Variants in RANGAP1 observed in about 807,000 individuals in gnomAD.
RANGAP1 encodes ran GTPase-activating protein 1.
In RANGAP1, 38 loss-of-function variants were observed where a neutral mutation model predicts 63.5. The observed-to-expected ratio is 0.60, with a 90% CI of 0.46 to 0.78. The LOEUF is 0.78. RANGAP1 is among the 30% of genes least tolerant of loss of function. The pLI, the probability that RANGAP1 is intolerant of heterozygous loss-of-function variation, is 0.00. For missense variants in RANGAP1, 630 were observed against 740.3 expected (o/e 0.85, Z 1.73); for synonymous variants, 329 against 310.5 (o/e 1.06, Z -0.63).
rs557261957 is a variant in RANGAP1, at chr22:41,279,074, C to T, written c.112+1859G>A. 1.4e-4 allele frequency among the ~76,000 whole-genome samples: 22 copies of T among 152,298 alleles called. No individual in the cohort carries two copies. The South Asian group carries it at 3.3e-3, about 23-fold the overall frequency. On this transcript the variant is annotated intron_variant, in intron 2 of 15. Coordinates refer to ENST00000356244, the MANE Select transcript of RANGAP1 (RefSeq NM_002883.4). ...GGGAGAATGACATGAACCCAGGAGG[C>T]GGAGCCTGCAGTGAGCCAACATCAT...
chr22:41,284,784 T>A (rs1172854310), intron 1 of RANGAP1: 1 of 152,140 alleles, frequency 6.6e-6, no homozygotes, highest in African/African-American at 2.4e-5. Context: ...GGTGGGAGGA[T>A]CACTTGAGCC....
chr22:41,256,048 T>C lies in RANGAP1; in HGVS notation c.1046A>G (p.Asn349Ser), dbSNP rs545171449. The change falls in exon 10 of 16, where the codon AAC (asparagine) becomes AGC (serine). Residue 349 changes from asparagine to serine, a missense_variant. This residue lies in a region of RANGAP1 where 428 missense variants were observed against 465.5 expected (regional missense o/e 0.92). Transcript: ENST00000356244. The stretch of plus-strand genomic sequence containing the variant: ...GAGGGACGCCAGCACCTTGGCCATG[T>C]TGAAGCCCTCCAGCACCTCCTGAAG... ...EQLQEVLEGFNMAKVLASLSD... is the reference protein window; with the variant it reads ...EQLQEVLEGFSMAKVLASLSD... 1.7e-5 allele frequency: 27 copies of C among 1,613,954 alleles called. No homozygotes were observed. The African/African-American group carries it at 2.3e-4, about 14-fold the overall frequency.
At chr22:41,254,836 G>A (rs2033716658) in intron 10 of RANGAP1, among the ~76,000 whole-genome samples, 1 of 152,120 alleles carries the variant, frequency 6.6e-6, no homozygotes, top group Non-Finnish European at 1.5e-5. Context: ...GCCGGGTGTG[G>A]TGGCGGGCGC....
At chr22:41,249,855 T>C (rs746643519) in intron 13 of RANGAP1, 38 bp from the exon 14 acceptor site, 3 of 1,581,736 alleles carry the variant, frequency 1.9e-6, no homozygotes, top group Admixed American at 1.7e-5. Context: ...CTGCTGGCTA[T>C]GGCAGAGGGC....
At chr22:41,291,761 C>T in the RANGAP1 span, among the ~76,000 whole-genome samples, 4 of 150,982 alleles carry the variant, frequency 2.6e-5, no homozygotes, top group Non-Finnish European at 4.4e-5. Context: ...ATTAGCCGGG[C>T]GTGATGGCGG....
At chr22:41,280,054 G>A (rs1262472555) in intron 2 of RANGAP1, among the ~76,000 whole-genome samples, 7 of 152,024 alleles carry the variant, frequency 4.6e-5, no homozygotes, top group South Asian at 4.1e-4. Flanking sequence ...AGCTGAGATC[G>A]TGCCACTGCA....
upstream of RANGAP1, among the ~76,000 whole-genome samples, chr22:41,287,854 C>T (rs919409760): frequency 1.3e-5 from 2 of 151,862 alleles, no homozygotes; most frequent in Non-Finnish European, 2.9e-5. Context: ...GGCATGGTGA[C>T]GCATGCCTGG....
chr22:41,246,155 AG>A lies in RANGAP1; in HGVS notation c.*447del. ...GACGAGAAGCAGCCCCAGGCAGGGC[AG>A]GAAACAACCCAATCACAACACAGAG... On this transcript the variant is annotated 3_prime_UTR_variant, in exon 16 of 16. Coordinates refer to ENST00000356244, the MANE Select transcript of RANGAP1 (RefSeq NM_002883.4). 1 of 177,422 alleles carries A rather than the reference AG, an allele frequency of 5.6e-6. No homozygotes were observed. The highest frequency in any genetic ancestry group is 1.2e-5 in the Non-Finnish European group (1 of 83,268). The allele number at this position is 177,422 out of a possible 1,614,324, so 11.0% of individuals were successfully genotyped here. A position where few individuals can be genotyped will look rare whatever the true frequency, so the allele number is the denominator to read the frequency against.
At chr22:41,285,723 G>A (rs2035720302) in intron 1 of RANGAP1, 1 of 974,530 alleles carries the variant, frequency 1.0e-6, no homozygotes, top group Non-Finnish European at 1.2e-6. Flanking sequence ...ATGCTAATAT[G>A]AGACGCCACT....
chr22:41,274,057 G>A (rs8141548), intron 3 of RANGAP1, among the ~76,000 whole-genome samples: 3 of 152,172 alleles, frequency 2.0e-5, no homozygotes, highest in South Asian at 2.1e-4. Flanking sequence ...CAGCCTGGAC[G>A]ACAGAGTGAG....
At chr22:41,284,180 G>T (rs1161346021) in intron 1 of RANGAP1, among the ~76,000 whole-genome samples, 1 of 152,084 alleles carries the variant, frequency 6.6e-6, no homozygotes, top group Non-Finnish European at 1.5e-5. Context: ...CCGGTAGGTG[G>T]AGCTTGCAGT....
chr22:41,256,097 G>A lies in RANGAP1; in HGVS notation c.997C>T (p.Leu333=), dbSNP rs749685836. ...AGCTGTTCACAGCCTTCTTCTCCCAGGGTGTTGCCTGCTCAAGGGGAGGGA... is the reference window on the plus strand; with the variant it reads ...AGCTGTTCACAGCCTTCTTCTCCCAAGGTGTTGCCTGCTCAAGGGGAGGGA... The part of the protein sequence containing the change: ...LEKLDLNGNT[L]GEEGCEQLQE... Residue 333 remains leucine, a synonymous_variant, in exon 10 of 16, where the codon CTG becomes TTG. Transcript: ENST00000356244. 5.0e-6 allele frequency: 8 copies of A among 1,614,020 alleles called. No homozygotes were observed. Among genetic ancestry groups the A allele is most frequent in the East Asian group, 2.2e-5 (1 of 44,886 alleles).
At chr22:41,254,905 G>A (rs187494813) in intron 10 of RANGAP1, among the ~76,000 whole-genome samples, 17 of 151,684 alleles carry the variant, frequency 1.1e-4, no homozygotes, top group Admixed American at 8.5e-4. Context: ...CCTGGAGGCG[G>A]AGCTGGCAGT....
intron 11 of RANGAP1, 22 bp from the exon 12 acceptor site, chr22:41,253,013 G>T (rs768491286): frequency 4.5e-5 from 65 of 1,433,206 alleles, no homozygotes; most frequent in Non-Finnish European, 6.0e-5. Context: ...GGGCACAGAG[G>T]CTCTGGAGAA....
At chr22:41,277,437 T>A in intron 2 of RANGAP1, 1 of 1,184,234 alleles carries the variant, frequency 8.4e-7, no homozygotes. Flanking sequence ...ATAATAAACC[T>A]GCATTAATTG....
chr22:41,280,080 C>CA (rs1179913474), intron 2 of RANGAP1, among the ~76,000 whole-genome samples: 2 of 151,746 alleles, frequency 1.3e-5, no homozygotes, highest in Non-Finnish European at 2.9e-5. Context: ...GCCTGGGTGA[C>CA]AGAGACTCCA....
chr22:41,287,805 G>A (rs1001863413), upstream of RANGAP1, among the ~76,000 whole-genome samples: 6 of 152,002 alleles, frequency 3.9e-5, no homozygotes, highest in South Asian at 4.1e-4. Flanking sequence ...TGACCAAAAT[G>A]GAGAAACCCC....
chr22:41,293,097 T>A, the RANGAP1 span, among the ~76,000 whole-genome samples: 1 of 151,268 alleles, frequency 6.6e-6, no homozygotes, highest in African/African-American at 2.4e-5. Flanking sequence ...TAGCCAGGCG[T>A]GTTGGCGGGC....
the RANGAP1 span, among the ~76,000 whole-genome samples, chr22:41,293,665 GCTA>G: frequency 6.7e-6 from 1 of 149,502 alleles, no homozygotes; most frequent in Non-Finnish European, 1.5e-5. Context: ...TGTAGTCCCA[GCTA>G]CTTGGGAGGC....
Sources: allele counts gnomAD v4.1 joint callset (sites outside exome capture counted in the v4.1 genomes callset), GRCh38; gene constraint gnomAD v4.1.1; regional missense constraint gnomAD v4.1.1; transcripts MANE v1.5; gene names NCBI Gene and HGNC (gene_info 2026-07-23, HGNC 2026-07-21).